NUDT9: variants seen among roughly 807,000 people sequenced by gnomAD.
NUDT9 encodes ADP-ribose pyrophosphatase.
In NUDT9, 31 loss-of-function variants were observed where a neutral mutation model predicts 41.0. The ratio of observed to expected loss-of-function variants is 0.76; its 90% confidence interval spans 0.57 to 1.02. The LOEUF is 1.02. NUDT9 is among the 50% of genes least tolerant of loss of function. The pLI, the probability that NUDT9 is intolerant of heterozygous loss-of-function variation, is 0.00. For synonymous variants in NUDT9, 146 were observed against 147.6 expected (o/e 0.99, Z 0.08); for missense variants, 380 against 431.4 (o/e 0.88, Z 1.06).
intron 6 of NUDT9, among the ~76,000 whole-genome samples, chr4:87,453,091 C>T (rs1388436415): frequency 2.0e-5 from 3 of 152,078 alleles, no homozygotes; most frequent in Admixed American, 6.5e-5. Flanking sequence ...GGATTACAGG[C>T]GTGAGCCACC....
chr4:87,430,303 G>A (rs1478235929), intron 1 of NUDT9, among the ~76,000 whole-genome samples: 3 of 152,226 alleles, frequency 2.0e-5, no homozygotes, highest in African/African-American at 7.2e-5. Context: ...GTCTTTAGCT[G>A]AGTGAGACCT....
chr4:87,425,136 G>A (rs955652602), intron 1 of NUDT9, among the ~76,000 whole-genome samples: 1 of 151,962 alleles, frequency 6.6e-6, no homozygotes, highest in Non-Finnish European at 1.5e-5. Context: ...CAGGAGGATC[G>A]TGTGAGGCCA....
rs1346109110 is a variant in NUDT9, at chr4:87,451,591, G to T, written c.645G>T (p.Gly215=). The change falls in exon 6 of 8, where the codon GGG becomes GGT. Residue 215 remains glycine, a splice_region_variant and synonymous_variant. Coordinates refer to ENST00000302174, the MANE Select transcript of NUDT9 (RefSeq NM_024047.5). ...AAAATTTTTAATGTGACTCTTAGGG[G>T]ATGGTGGATCCAGGAGAGAAGATTA... The part of the protein sequence containing the change: ...KDCGEWAIPG[G]MVDPGEKISA... 1 of 1,610,936 alleles carries T rather than the reference G, an allele frequency of 6.2e-7. No homozygotes were observed. Among genetic ancestry groups the T allele is most frequent in the Non-Finnish European group, 8.5e-7 (1 of 1,179,116 alleles).
Position 87,459,345 on chromosome 4 carries a change from G to A in NUDT9, c.*1324G>A, listed in dbSNP as rs1042671308. Reference sequence around the variant, plus strand: ...AATGAGTACTAGGCTTAATACCTTGGTGATGAAATTATCTGTACAACAAAC... The same window carrying A: ...AATGAGTACTAGGCTTAATACCTTGATGATGAAATTATCTGTACAACAAAC... On this transcript the variant is annotated 3_prime_UTR_variant, in exon 8 of 8. Transcript: ENST00000302174. 1 of 152,126 alleles carries A rather than the reference G, an allele frequency of 6.6e-6. No homozygotes were observed. Among genetic ancestry groups the A allele is most frequent in the African/African-American group, 2.4e-5 (1 of 41,430 alleles). 9.4% of individuals were successfully genotyped at this position (152,126 alleles called of 1,614,324 possible).
chr4:87,438,769 G>A (rs1722067557), intron 3 of NUDT9, among the ~76,000 whole-genome samples: 1 of 152,102 alleles, frequency 6.6e-6, no homozygotes, highest in African/African-American at 2.4e-5. Flanking sequence ...AATAATTCGG[G>A]TCTTTCTATA....
In NUDT9 at chr4:87,449,217, A is replaced by G. The variant is rs994920375; in HGVS notation, c.606A>G (p.Ile202Met). Reference protein sequence around the residue: ...SGKHILQFVAIKRKDCGEWAI... With the variant: ...SGKHILQFVAMKRKDCGEWAI... ...AGCATATCTTACAATTTGTTGCAAT[A>G]AAAAGGAAAGACTGTGGAGAATGGG... Residue 202 changes from isoleucine to methionine, a missense_variant, in exon 5 of 8, where the codon ATA becomes ATG. By Grantham distance (10) the Ile-to-Met change is conservative. Transcript: ENST00000302174. 3 of 1,609,298 alleles carry G rather than the reference A, an allele frequency of 1.9e-6. No homozygotes were observed. The highest frequency in any genetic ancestry group is 2.6e-6 in the Non-Finnish European group (3 of 1,175,872).
intron 5 of NUDT9, 95 bp from the exon 6 acceptor site, chr4:87,451,494 A>G (rs1722705974): frequency 2.1e-6 from 2 of 969,334 alleles, no homozygotes; most frequent in Non-Finnish European, 3.1e-6. Context: ...TTATAGGCAG[A>G]TTGAATAATA....
At chr4:87,453,092 G>A (rs1035874118) in intron 6 of NUDT9, among the ~76,000 whole-genome samples, 2 of 152,056 alleles carry the variant, frequency 1.3e-5, no homozygotes, top group Non-Finnish European at 2.9e-5. Flanking sequence ...GATTACAGGC[G>A]TGAGCCACCG....
chr4:87,455,788 A>G (rs919669584), intron 7 of NUDT9, among the ~76,000 whole-genome samples: 1 of 151,508 alleles, frequency 6.6e-6, no homozygotes, highest in Non-Finnish European at 1.5e-5. Flanking sequence ...CAGACTCTCA[A>G]GTAGCTGGTA....
At chr4:87,430,204 A>C (rs1333790623) in intron 1 of NUDT9, among the ~76,000 whole-genome samples, 1 of 152,234 alleles carries the variant, frequency 6.6e-6, no homozygotes, top group Non-Finnish European at 1.5e-5. Flanking sequence ...TGCAGGTGGA[A>C]TGAGGATTCC....
Position 87,451,590 on chromosome 4 carries a change from G to T in NUDT9, c.644G>T (p.Gly215Val). ...KDCGEWAIPG[G>V]MVDPGEKISA... Reference sequence around the variant, plus strand: ...CAAAATTTTTAATGTGACTCTTAGGGGATGGTGGATCCAGGAGAGAAGATT... The same window carrying T: ...CAAAATTTTTAATGTGACTCTTAGGTGATGGTGGATCCAGGAGAGAAGATT... The change falls in exon 6 of 8, where the codon GGG becomes GTG. Residue 215 changes from glycine (G) to valine (V), a missense_variant and splice_region_variant. Coordinates refer to ENST00000302174, the MANE Select transcript of NUDT9 (RefSeq NM_024047.5). The T allele has an allele frequency of 6.2e-7, 1 of 1,610,832 alleles. No individual in the cohort carries two copies. Among genetic ancestry groups the T allele is most frequent in the Non-Finnish European group, 8.5e-7 (1 of 1,179,062 alleles).
At chr4:87,429,693 C>T (rs1267285806) in intron 1 of NUDT9, among the ~76,000 whole-genome samples, 4 of 137,016 alleles carry the variant, frequency 2.9e-5, no homozygotes, top group Non-Finnish European at 4.6e-5. Context: ...TCCCCGTTTC[C>T]CCCCCATCTT....
At chr4:87,434,816 A>G (rs1485434521) in intron 1 of NUDT9, among the ~76,000 whole-genome samples, 165 bp from the exon 2 acceptor site, 2 of 152,036 alleles carry the variant, frequency 1.3e-5, no homozygotes, top group Admixed American at 6.6e-5. Context: ...ACGGCATTTC[A>G]CCATGTTGGT....
rs535251267 is a variant in NUDT9 at position 87,455,658 on chromosome 4, C to CT, written c.874+1218dup. On this transcript the variant is annotated intron_variant, in intron 7 of 7. Coordinates refer to ENST00000302174, the MANE Select transcript of NUDT9 (RefSeq NM_024047.5). ...CTTTTAGTGCTTTTTTTTCTTTTTT[C>CT]TTTTTTTTTTTTTTTAACCCCGAGA... Among the ~76,000 whole-genome samples, 442 of 130,354 alleles carry CT rather than the reference C, an allele frequency of 3.4e-3. 1 individual carries two copies. The highest frequency in any genetic ancestry group is 1.0e-2 in the African/African-American group (353 of 35,420). 85.5% of individuals were successfully genotyped at this position (130,354 alleles called of 152,430 possible).
At chr4:87,429,421 TG>T (rs954785258) in intron 1 of NUDT9, among the ~76,000 whole-genome samples, 4 of 150,798 alleles carry the variant, frequency 2.7e-5, no homozygotes, top group Admixed American at 2.6e-4. Context: ...CCCAAAGTGT[TG>T]GGATTACAGA....
intron 6 of NUDT9, 108 bp from the exon 7 acceptor site, chr4:87,454,263 T>A: frequency 1.5e-6 from 1 of 657,730 alleles, no homozygotes; most frequent in Admixed American, 2.2e-5. Flanking sequence ...TATGTTCATG[T>A]TGTTGGGCAA....
chr4:87,430,228 G>C (rs28493315), intron 1 of NUDT9, among the ~76,000 whole-genome samples: 24,624 of 152,230 alleles, frequency 0.16, 2,085 homozygotes, highest in East Asian at 0.23. Context: ...TAGAAGCTGG[G>C]AAAGTATGGC....
At chr4:87,435,715 TGAGA>T (rs1262220961) in intron 2 of NUDT9, among the ~76,000 whole-genome samples, 3 of 152,228 alleles carry the variant, frequency 2.0e-5, no homozygotes, top group African/African-American at 7.2e-5. Context: ...AGGGGGAGAA[TGAGA>T]GAGAAGGGGC....
rs1723089328 is a variant in NUDT9 at position 87,458,654 on chromosome 4, C to A, written c.*633C>A. On this transcript the variant is annotated 3_prime_UTR_variant, in exon 8 of 8. Transcript: ENST00000302174. ...ATCAGTGAACAAGAGCTGATACTCT[C>A]ATTTTCAAAAATTCTGAATTAAAAA... The A allele has an allele frequency of 6.6e-6, 1 of 152,134 alleles. No homozygotes were observed. Among genetic ancestry groups the A allele is most frequent in the Non-Finnish European group, 1.5e-5 (1 of 68,024 alleles). The allele number at this position is 152,134 out of a possible 1,614,324, so 9.4% of individuals were successfully genotyped here.
Sources: allele counts gnomAD v4.1 joint callset (sites outside exome capture counted in the v4.1 genomes callset), GRCh38; gene constraint gnomAD v4.1.1; transcripts MANE v1.5; gene names NCBI Gene and HGNC (gene_info 2026-07-23, HGNC 2026-07-21).